MDGA2: variants seen among roughly 807,000 people sequenced by gnomAD.
The protein encoded by MDGA2 is MAM domain containing glycosylphosphatidylinositol anchor 2, also known as MAM domain-containing glycosylphosphatidylinositol anchor protein 2.
In MDGA2, 40 loss-of-function variants were observed where a neutral mutation model predicts 117.8. That is an observed-to-expected ratio of 0.34 (90% CI 0.26 to 0.44). The LOEUF is 0.44. Among genes scored for constraint, MDGA2 ranks in the 20% least tolerant of loss-of-function variants. MDGA2 has a pLI of 1.00. For synonymous variants in MDGA2, 452 were observed against 439.0 expected, an observed-to-expected ratio of 1.03 and a Z score of -0.37; for missense variants, 1,123 against 1,250.6, an observed-to-expected ratio of 0.90 and a Z score of 1.54.
intron 8 of MDGA2, among the ~76,000 whole-genome samples, chr14:47,000,855 C>T (rs887904199): frequency 6.6e-6 from 1 of 151,886 alleles, no homozygotes; most frequent in Admixed American, 6.6e-5. Flanking sequence ...CCATTTAAAA[C>T]CTAAGTAATT....
intron 6 of MDGA2, among the ~76,000 whole-genome samples, chr14:47,081,180 A>C (rs969615336): frequency 6.6e-6 from 1 of 151,950 alleles, no homozygotes; most frequent in African/African-American, 2.4e-5. Flanking sequence ...TCTGGTTCTC[A>C]TTTTACTCAT....
chr14:47,233,366 CA>C (rs1886753251), intron 2 of MDGA2, among the ~76,000 whole-genome samples: 1 of 151,770 alleles, frequency 6.6e-6, no homozygotes, highest in Non-Finnish European at 1.5e-5. Flanking sequence ...AAATCTATGT[CA>C]AAATTACAAT....
At chr14:47,406,876 CTGTT>C (rs1002418852) in intron 1 of MDGA2, among the ~76,000 whole-genome samples, 18 of 152,028 alleles carry the variant, frequency 1.2e-4, no homozygotes, top group African/African-American at 4.1e-4. Flanking sequence ...CTGCCACTCA[CTGTT>C]TGACAATTTG....
chr14:46,975,225 G>C (rs1886411263), intron 8 of MDGA2, among the ~76,000 whole-genome samples: 1 of 152,088 alleles, frequency 6.6e-6, no homozygotes, highest in Non-Finnish European at 1.5e-5. Flanking sequence ...AGAGAAATTA[G>C]AACCCTTAAG....
intron 9 of MDGA2, among the ~76,000 whole-genome samples, chr14:46,948,097 A>G (rs1367445145): frequency 2.0e-5 from 3 of 151,810 alleles, no homozygotes; most frequent in East Asian, 1.9e-4. Context: ...TTTTATACCC[A>G]TTGTCATAAA....
chr14:47,299,655 C>T (rs1889208356), intron 2 of MDGA2: 1 of 152,112 alleles, frequency 6.6e-6, no homozygotes, highest in African/African-American at 2.4e-5. Context: ...TTTCACTGGA[C>T]TTCATTGTTT....
At chr14:47,111,985 C>T (rs1263746894) in intron 5 of MDGA2, among the ~76,000 whole-genome samples, 1 of 152,130 alleles carries the variant, frequency 6.6e-6, no homozygotes, top group African/African-American at 2.4e-5. Context: ...TGTAGATTGT[C>T]TGACTGCAGA....
At chr14:47,449,529 A>G (rs564059033) in intron 1 of MDGA2, among the ~76,000 whole-genome samples, 2 of 152,178 alleles carry the variant, frequency 1.3e-5, no homozygotes, top group South Asian at 4.1e-4. Context: ...CTTAGAAATC[A>G]TTTAATTTAC....
rs543221277 is a variant in MDGA2, at chr14:46,857,357, T to A, written c.2753-2203A>T. Among the ~76,000 whole-genome samples the A allele has an allele frequency of 5.3e-5, 8 of 152,202 alleles. No individual in the cohort carries two copies. In the South Asian group the frequency reaches 1.5e-3, roughly 28 times the overall value. On this transcript the variant is annotated intron_variant, in intron 14 of 16. Coordinates refer to ENST00000399232, the MANE Select transcript of MDGA2 (RefSeq NM_001113498.3). ...TTAAGTAAAAATATTCTCATTTCTC[T>A]CATATTTCTTGTGAGGTTTAGAATT... is the stretch of plus-strand genomic sequence containing the variant.
At chr14:47,173,054 G>T (rs1298760133) in intron 3 of MDGA2, among the ~76,000 whole-genome samples, 1 of 152,022 alleles carries the variant, frequency 6.6e-6, no homozygotes, top group Non-Finnish European at 1.5e-5. Flanking sequence ...TATCAGTGAT[G>T]GAAGATGAAA....
intron 9 of MDGA2, among the ~76,000 whole-genome samples, chr14:46,941,957 T>C (rs1163146382): frequency 1.3e-5 from 2 of 152,206 alleles, no homozygotes; most frequent in South Asian, 2.1e-4. Context: ...TCCATTATTT[T>C]ACACAGCAGT....
chr14:47,239,688 GA>G (rs1886976728), intron 2 of MDGA2, among the ~76,000 whole-genome samples: 1 of 151,164 alleles, frequency 6.6e-6, no homozygotes, highest in African/African-American at 2.4e-5. Context: ...TTCCTTTGGG[GA>G]AAAAAAAGTT....
chr14:46,895,929 T>C (rs755318255), intron 10 of MDGA2, among the ~76,000 whole-genome samples: 17 of 152,188 alleles, frequency 1.1e-4, no homozygotes, highest in Admixed American at 2.0e-4. Context: ...TGAGTACCGA[T>C]TACTGTCCAT....
At chr14:47,629,074 C>T (rs1246247576) in intron 1 of MDGA2, among the ~76,000 whole-genome samples, 1 of 152,188 alleles carries the variant, frequency 6.6e-6, no homozygotes, top group Non-Finnish European at 1.5e-5. Context: ...ACCTAACAAA[C>T]ATCCTGCATG....
chr14:47,486,087 G>A (rs191529452), intron 1 of MDGA2, among the ~76,000 whole-genome samples: 8 of 152,260 alleles, frequency 5.3e-5, no homozygotes, highest in South Asian at 2.1e-4. Flanking sequence ...TGCATCATGC[G>A]CCTGGAAAAG....
At chr14:47,248,299 A>G (rs1230586962) in intron 2 of MDGA2, among the ~76,000 whole-genome samples, 1 of 151,718 alleles carries the variant, frequency 6.6e-6, no homozygotes, top group Non-Finnish European at 1.5e-5. Context: ...GAGAAACATC[A>G]GACGGAATAA....
chr14:47,132,597 T>C lies in MDGA2; in HGVS notation c.793-751A>G, dbSNP rs977408210. 9.2e-5 allele frequency among the ~76,000 whole-genome samples: 14 copies of C among 151,994 alleles called. No individual in the cohort carries two copies. The East Asian group carries it at 1.9e-3, about 21-fold the overall frequency. ...TGTAAAAACATTGGATTGAAATTGT[T>C]GAAAGGAAAAAAAGAACAAACAACA... On this transcript the variant is annotated intron_variant, in intron 4 of 16. Transcript: ENST00000399232.
intron 3 of MDGA2, among the ~76,000 whole-genome samples, chr14:47,154,592 G>A (rs1883293681): frequency 6.6e-6 from 1 of 152,172 alleles, no homozygotes; most frequent in Non-Finnish European, 1.5e-5. Flanking sequence ...TCCAATTTTG[G>A]AGCAAAGTTG....
chr14:46,865,028 T>C (rs910018280), intron 14 of MDGA2, among the ~76,000 whole-genome samples: 17 of 151,788 alleles, frequency 1.1e-4, no homozygotes, highest in African/African-American at 4.1e-4. Flanking sequence ...GGAAAAAAAA[T>C]CCCAATATGT....
Sources: gnomAD v4.1 joint callset for allele counts (sites outside exome capture counted in the v4.1 genomes callset) on GRCh38, gnomAD v4.1.1 for gene constraint, MANE v1.5 for transcripts, NCBI Gene and HGNC (gene_info 2026-07-23, HGNC 2026-07-21) for gene names.